The following BACE2 variants were observed in gnomAD, a reference collection of about 807,000 sequenced individuals.
The protein encoded by BACE2 is beta-secretase 2.
Under a neutral mutation model 46.2 loss-of-function variants are expected in BACE2, and 17 were observed. That is an observed-to-expected ratio of 0.37 (90% CI 0.25 to 0.55). The LOEUF (loss-of-function observed/expected upper bound fraction) is 0.55. Among genes scored for constraint, BACE2 ranks in the 20% least tolerant of loss-of-function variants. The pLI is 0.82. For synonymous variants in BACE2, 277 were observed against 295.9 expected (o/e 0.94, Z 0.66); for missense variants, 595 against 698.1 (o/e 0.85, Z 1.66).
intron 7 of BACE2, among the ~76,000 whole-genome samples, chr21:41,253,884 A>G (rs933540822): frequency 2.6e-5 from 4 of 152,038 alleles, no homozygotes; most frequent in African/African-American, 9.7e-5. Context: ...TGTTTTCCTG[A>G]TTTCTTACTC....
At chr21:41,228,228 G>C (rs1365101911) in intron 2 of BACE2, among the ~76,000 whole-genome samples, 1 of 152,206 alleles carries the variant, frequency 6.6e-6, no homozygotes, top group Non-Finnish European at 1.5e-5. Flanking sequence ...ACCTCAGTAC[G>C]TGAACACTCT....
In BACE2 at chr21:41,281,216, C is replaced by G. The variant is rs1465515290; in HGVS notation, c.*5592C>G. On this transcript the variant is annotated 3_prime_UTR_variant, in exon 9 of 9. Transcript: ENST00000330333. ...GATAAAGTCCAAACTGTGTAGAACA[C>G]ACGTGTGCCTCACACATAGCCATCT... The G allele has an allele frequency of 6.6e-6, 1 of 152,240 alleles. No homozygotes were observed. The highest frequency in any genetic ancestry group is 1.5e-5 in the Non-Finnish European group (1 of 68,042). 9.4% of individuals were successfully genotyped at this position (152,240 alleles called of 1,614,324 possible).
intron 8 of BACE2, among the ~76,000 whole-genome samples, chr21:41,271,687 G>A (rs1425502657): frequency 1.3e-5 from 2 of 152,004 alleles, no homozygotes; most frequent in East Asian, 3.9e-4. Flanking sequence ...AGAATATGTA[G>A]TGTAAATTTT....
At chr21:41,199,670 C>CA (rs1985884092) in intron 1 of BACE2, among the ~76,000 whole-genome samples, 2 of 152,170 alleles carry the variant, frequency 1.3e-5, no homozygotes, top group African/African-American at 2.4e-5. Flanking sequence ...GGATCCCACT[C>CA]ACGCTTCCTA....
In BACE2 at chr21:41,276,205, C is replaced by T. The variant is rs942267089; in HGVS notation, c.*581C>T. The T allele has an allele frequency of 6.5e-6, 1 of 153,544 alleles. No individual in the cohort carries two copies. The highest frequency in any genetic ancestry group is 1.4e-5 in the Non-Finnish European group (1 of 69,056). 9.5% of individuals were successfully genotyped at this position (153,544 alleles called of 1,614,324 possible). ...CCCCTTTTGTGGGTTTCTCTGTGCTCTGAATGGGAGCCAGAATTCACTAGG... is the reference window on the plus strand; with the variant it reads ...CCCCTTTTGTGGGTTTCTCTGTGCTTTGAATGGGAGCCAGAATTCACTAGG... On this transcript the variant is annotated 3_prime_UTR_variant, in exon 9 of 9. Coordinates refer to ENST00000330333, the MANE Select transcript of BACE2 (RefSeq NM_012105.5).
At position 41,237,162 on chromosome 21, in the gene BACE2, G is replaced by A. The variant is rs117732685; in HGVS notation, c.402-351G>A. Among the ~76,000 whole-genome samples, 13 of 152,252 alleles carry A rather than the reference G, an allele frequency of 8.5e-5. No homozygotes were observed. The East Asian group carries it at 2.3e-3, about 27-fold the overall frequency. Reference sequence around the variant, plus strand: ...ATGGATACATAAGAGAATGCAAGGGGCTTAGCCGGGCGCAGTGGCTCACGC... The same window carrying A: ...ATGGATACATAAGAGAATGCAAGGGACTTAGCCGGGCGCAGTGGCTCACGC... On this transcript the variant is annotated intron_variant, in intron 2 of 8. Coordinates refer to ENST00000330333, the MANE Select transcript of BACE2 (RefSeq NM_012105.5).
chr21:41,205,645 A>G (rs1227917125), intron 1 of BACE2, among the ~76,000 whole-genome samples: 1 of 152,196 alleles, frequency 6.6e-6, no homozygotes, highest in Admixed American at 6.5e-5. Flanking sequence ...TAATAAACAG[A>G]AGGGCTAATT....
intron 1 of BACE2, chr21:41,176,214 GT>G (rs1442058735): frequency 6.6e-6 from 1 of 152,172 alleles, no homozygotes; most frequent in Non-Finnish European, 1.5e-5. Context: ...CTTTGTGTGG[GT>G]GCAACACCTG....
At chr21:41,275,295 G>A (rs942823545) in intron 8 of BACE2, 76 bp from the exon 9 acceptor site, 1 of 1,588,302 alleles carries the variant, frequency 6.3e-7, no homozygotes, top group African/African-American at 1.3e-5. Context: ...ATAAACCAAG[G>A]GGTTCTGTCT....
chr21:41,235,701 G>T (rs572101203), intron 2 of BACE2, among the ~76,000 whole-genome samples: 6 of 152,170 alleles, frequency 3.9e-5, no homozygotes, highest in Non-Finnish European at 8.8e-5. Flanking sequence ...TATTAGTTGG[G>T]CTTGATGGTG....
intron 1 of BACE2, among the ~76,000 whole-genome samples, chr21:41,194,880 A>AAAG (rs1985685510): frequency 6.6e-6 from 1 of 152,228 alleles, no homozygotes; most frequent in African/African-American, 2.4e-5. Context: ...ATGGCAGGAC[A>AAAG]CATCTGAAAG....
intron 6 of BACE2, 109 bp from the exon 7 acceptor site, chr21:41,250,643 A>G: frequency 6.3e-6 from 6 of 950,434 alleles, no homozygotes; most frequent in East Asian, 2.4e-5. Context: ...CAAATTAAAC[A>G]TTGTTTATCC....
chr21:41,214,793 T>C (rs1371372105), intron 1 of BACE2, among the ~76,000 whole-genome samples: 2 of 152,232 alleles, frequency 1.3e-5, no homozygotes, highest in Admixed American at 6.5e-5. Context: ...CATGTGGCCC[T>C]ACTGTCAGCT....
intron 8 of BACE2, among the ~76,000 whole-genome samples, chr21:41,262,899 G>A (rs967424937): frequency 3.3e-5 from 5 of 151,922 alleles, no homozygotes; most frequent in East Asian, 1.9e-4. Context: ...TTTTAGAGTC[G>A]TTTGAATTTT....
chr21:41,270,902 T>C lies in BACE2; in HGVS notation c.1304-4469T>C, dbSNP rs547335578. Among the ~76,000 whole-genome samples the C allele has an allele frequency of 6.6e-5, 10 of 152,356 alleles. No homozygotes were observed. The East Asian group carries it at 1.9e-3, about 29-fold the overall frequency. ...TGCTCTATTATTGAGAAACGGATATTGGAATCTCTGACTATATTTGTGGAT... is the reference window on the plus strand; with the variant it reads ...TGCTCTATTATTGAGAAACGGATATCGGAATCTCTGACTATATTTGTGGAT... On this transcript the variant is annotated intron_variant, in intron 8 of 8. Coordinates refer to ENST00000330333, the MANE Select transcript of BACE2 (RefSeq NM_012105.5).
rs2088556069 is a variant in BACE2 at position 41,282,354 on chromosome 21, A to G, written c.*6730A>G. 1 of 152,244 alleles carries G rather than the reference A, an allele frequency of 6.6e-6. No individual in the cohort carries two copies. Among genetic ancestry groups the G allele is most frequent in the African/African-American group, 2.4e-5 (1 of 41,472 alleles). The allele number at this position is 152,244 out of a possible 1,614,324, so 9.4% of individuals were successfully genotyped here. A position where few individuals can be genotyped will look rare whatever the true frequency, so the allele number is the denominator to read the frequency against. On this transcript the variant is annotated 3_prime_UTR_variant, in exon 9 of 9. Transcript: ENST00000330333. ...GTTGGAGTAAAGGGATATTCATTCC[A>G]TGTTAAAAGTGGCTTCATAGCTACT... is the stretch of plus-strand genomic sequence containing the variant.
At chr21:41,258,362 G>A (rs889749569) in intron 8 of BACE2, among the ~76,000 whole-genome samples, 1 of 152,206 alleles carries the variant, frequency 6.6e-6, no homozygotes, top group Non-Finnish European at 1.5e-5. Context: ...ATGGATATGA[G>A]ACGCTGTTGG....
rs1397014589 is a variant in BACE2 at position 41,276,459 on chromosome 21, A to G, written c.*835A>G. ...GTTCCCCTCACCCAAAAGAATTATC[A>G]TCCCAACAGCCAAGACCCAACAGGT... On this transcript the variant is annotated 3_prime_UTR_variant, in exon 9 of 9. Coordinates refer to ENST00000330333, the MANE Select transcript of BACE2 (RefSeq NM_012105.5). 1 of 152,368 alleles carries G rather than the reference A, an allele frequency of 6.6e-6. No homozygotes were observed. Among genetic ancestry groups the G allele is most frequent in the Admixed American group, 6.5e-5 (1 of 15,310 alleles). The allele number at this position is 152,368 out of a possible 1,614,324, so 9.4% of individuals were successfully genotyped here.
At chr21:41,225,741 T>C (rs1986797345) in intron 1 of BACE2, 1 of 152,836 alleles carries the variant, frequency 6.5e-6, no homozygotes. Context: ...AAATTATATC[T>C]CAAATAACCT....
Sources: gnomAD v4.1 joint callset for allele counts (sites outside exome capture counted in the v4.1 genomes callset) on GRCh38, gnomAD v4.1.1 for gene constraint, MANE v1.5 for transcripts, NCBI Gene and HGNC (gene_info 2026-07-23, HGNC 2026-07-21) for gene names.